BMPR1B: variants seen among roughly 807,000 people sequenced by gnomAD.
BMPR1B encodes bone morphogenetic protein receptor type-1B.
In BMPR1B, 12 loss-of-function variants were observed where a neutral mutation model predicts 59.1. The observed-to-expected ratio is 0.20, with a 90% CI of 0.13 to 0.33. The LOEUF (loss-of-function observed/expected upper bound fraction) is 0.33. BMPR1B is among the 10% of genes least tolerant of loss of function. BMPR1B has a pLI of 1.00. For missense variants in BMPR1B, 550 were observed against 610.9 expected, an observed-to-expected ratio of 0.90 and a Z score of 1.05; for synonymous variants, 237 against 207.3, an observed-to-expected ratio of 1.14 and a Z score of -1.23.
chr4:95,037,736 T>C (rs949707615), intron 3 of BMPR1B, among the ~76,000 whole-genome samples: 18 of 152,228 alleles, frequency 1.2e-4, no homozygotes, highest in African/African-American at 3.9e-4. Flanking sequence ...AAGAAAAAAG[T>C]AATTGGTATG....
At chr4:94,984,895 G>C (rs1178736287) in intron 2 of BMPR1B, among the ~76,000 whole-genome samples, 1 of 152,182 alleles carries the variant, frequency 6.6e-6, no homozygotes, top group Non-Finnish European at 1.5e-5. Flanking sequence ...AGCATCCAAA[G>C]TAGTTTTCCT....
chr4:94,851,144 C>G (rs903476793), intron 1 of BMPR1B, among the ~76,000 whole-genome samples: 5 of 152,010 alleles, frequency 3.3e-5, no homozygotes, highest in African/African-American at 1.2e-4. Context: ...CATGCAAGCC[C>G]CTTTGGTAAA....
intron 5 of BMPR1B, 139 bp downstream of exon 5, chr4:95,114,961 A>G (rs1731909415): frequency 3.8e-6 from 3 of 797,866 alleles, no homozygotes; most frequent in South Asian, 1.4e-5. Flanking sequence ...TAGGTCAGCA[A>G]CAGATGGTAT....
At chr4:95,100,326 C>T (rs945291087) in intron 3 of BMPR1B, among the ~76,000 whole-genome samples, 1 of 151,972 alleles carries the variant, frequency 6.6e-6, no homozygotes, top group African/African-American at 2.4e-5. Context: ...TTAATTTGCC[C>T]AGGTATTTAT....
chr4:95,089,850 A>G (rs563250428), intron 3 of BMPR1B, among the ~76,000 whole-genome samples: 2 of 152,266 alleles, frequency 1.3e-5, no homozygotes, highest in East Asian at 1.9e-4. Context: ...AAGATTTATC[A>G]TAAATTATCA....
At chr4:94,835,172 A>G (rs944805327) in intron 1 of BMPR1B, among the ~76,000 whole-genome samples, 1 of 152,038 alleles carries the variant, frequency 6.6e-6, no homozygotes, top group Non-Finnish European at 1.5e-5. Flanking sequence ...CTTTACAGCA[A>G]TTTAAAATAA....
At chr4:94,862,757 A>G (rs1373668381) in intron 1 of BMPR1B, among the ~76,000 whole-genome samples, 2 of 151,726 alleles carry the variant, frequency 1.3e-5, no homozygotes, top group African/African-American at 4.8e-5. Flanking sequence ...CATCCTGGCT[A>G]ACACGGTGAA....
chr4:95,125,009 G>T lies in BMPR1B; in HGVS notation c.473G>T (p.Arg158Leu). The T allele has an allele frequency of 6.2e-7, 1 of 1,613,246 alleles. No individual in the cohort carries two copies. Among genetic ancestry groups the T allele is most frequent in the Middle Eastern group, 1.7e-4 (1 of 6,060 alleles). Residue 158 changes from arginine to leucine, a missense_variant, in exon 8 of 13, where the codon CGA becomes CTA. Transcript: ENST00000515059. ...TATAAAAGACAAGAAACCAGACCTC[G>T]ATACAGCATTGGGTTAGAACAGGAT... is the stretch of plus-strand genomic sequence containing the variant. ...FRYKRQETRPRYSIGLEQDET... is the reference protein window; with the variant it reads ...FRYKRQETRPLYSIGLEQDET...
At chr4:95,083,145 A>C (rs887656190) in intron 3 of BMPR1B, among the ~76,000 whole-genome samples, 1 of 151,622 alleles carries the variant, frequency 6.6e-6, no homozygotes, top group Non-Finnish European at 1.5e-5. Flanking sequence ...AACTCAGGGC[A>C]TGCAGGTACA....
At chr4:94,883,234 GTGTC>G (rs1478276418) in intron 2 of BMPR1B, among the ~76,000 whole-genome samples, 1 of 152,144 alleles carries the variant, frequency 6.6e-6, no homozygotes, top group East Asian at 1.9e-4. Flanking sequence ...GAGGGAGAGA[GTGTC>G]TGTGAACTCT....
rs929954476 is a variant in BMPR1B, at chr4:94,908,383, T to A, written c.-113+32483T>A. ...CAGTAAGCATTGTTTAAACCTGTCCTTCTTAAACTTTATTTTTGCATGATC... is the reference window on the plus strand; with the variant it reads ...CAGTAAGCATTGTTTAAACCTGTCCATCTTAAACTTTATTTTTGCATGATC... On this transcript the variant is annotated intron_variant, in intron 2 of 12. Coordinates refer to ENST00000515059, the MANE Select transcript of BMPR1B (RefSeq NM_001203.3). Among the ~76,000 whole-genome samples the A allele has an allele frequency of 3.3e-5, 5 of 151,884 alleles. No individual in the cohort carries two copies. In the East Asian group the frequency reaches 7.8e-4, roughly 24 times the overall value.
At chr4:95,022,497 A>G (rs1034807876) in intron 3 of BMPR1B, among the ~76,000 whole-genome samples, 1 of 152,218 alleles carries the variant, frequency 6.6e-6, no homozygotes, top group African/African-American at 2.4e-5. Context: ...ATTTTGGTAG[A>G]TGTTTGATAT....
intron 2 of BMPR1B, among the ~76,000 whole-genome samples, chr4:94,901,210 C>T (rs1727797275): frequency 6.6e-6 from 1 of 151,912 alleles, no homozygotes; most frequent in African/African-American, 2.4e-5. Context: ...GTCATGACAT[C>T]AATATAGTGG....
chr4:94,943,548 G>A (rs1006287378), intron 2 of BMPR1B, among the ~76,000 whole-genome samples: 1 of 152,190 alleles, frequency 6.6e-6, no homozygotes, highest in Admixed American at 6.5e-5. Flanking sequence ...AAAGGAATTA[G>A]TATGTGTATC....
chr4:94,848,557 A>G (rs1250151418), intron 1 of BMPR1B, among the ~76,000 whole-genome samples: 1 of 152,190 alleles, frequency 6.6e-6, no homozygotes, highest in Non-Finnish European at 1.5e-5. Flanking sequence ...CAGAGAGGTA[A>G]CAGGCACCAA....
chr4:95,113,555 C>T (rs951378512), intron 4 of BMPR1B, among the ~76,000 whole-genome samples: 2 of 152,064 alleles, frequency 1.3e-5, no homozygotes, highest in African/African-American at 2.4e-5. Flanking sequence ...CTGTCTTGGA[C>T]GCTGAGCATG....
chr4:94,808,466 T>C (rs961116660), intron 1 of BMPR1B, among the ~76,000 whole-genome samples: 2 of 152,194 alleles, frequency 1.3e-5, no homozygotes, highest in African/African-American at 4.8e-5. Context: ...ACTCCCACAC[T>C]GTGAGATGTT....
rs1027320850 is a variant in BMPR1B, at chr4:95,015,727, T to C, written c.-18+19593T>C. Among the ~76,000 whole-genome samples, 10 of 150,314 alleles carry C rather than the reference T, an allele frequency of 6.7e-5. No homozygotes were observed. The Middle Eastern group carries it at 0.01, about 157-fold the overall frequency. ...TTTTTTTTTTGAGACAGAGTCTCACTCTGTCACCAGACTGGAGTGCAGTGG... is the reference window on the plus strand; with the variant it reads ...TTTTTTTTTTGAGACAGAGTCTCACCCTGTCACCAGACTGGAGTGCAGTGG... On this transcript the variant is annotated intron_variant, in intron 3 of 12. Transcript: ENST00000515059.
rs10622489 is a variant in BMPR1B, at chr4:95,114,645, G to GACACAC, written c.144-56_144-51dup. The GACACAC allele has an allele frequency of 1.5e-3, 1,445 of 990,348 alleles. 1 individual carries two copies. The highest frequency in any genetic ancestry group is 1.9e-3 in the Non-Finnish European group (1,179 of 626,304). The allele number at this position is 990,348 out of a possible 1,614,324, so 61.3% of individuals were successfully genotyped here. On this transcript the variant is annotated intron_variant, in intron 4 of 12. Coordinates refer to ENST00000515059, the MANE Select transcript of BMPR1B (RefSeq NM_001203.3). ...ACATCACTTATTTCCTTTTCCCCTA[G>GACACAC]ACACACACACACACACACACACACT...
Sources: gnomAD v4.1 joint callset for allele counts (sites outside exome capture counted in the v4.1 genomes callset) on GRCh38, gnomAD v4.1.1 for gene constraint, MANE v1.5 for transcripts, NCBI Gene and HGNC (gene_info 2026-07-23, HGNC 2026-07-21) for gene names.